Variants in KMT2C observed in about 807,000 individuals in gnomAD.
The protein encoded by KMT2C is lysine methyltransferase 2C.
Under a neutral mutation model 507.9 loss-of-function variants are expected in KMT2C, and 88 were observed. The ratio of observed to expected loss-of-function variants is 0.17; its 90% confidence interval spans 0.15 to 0.21. KMT2C has a LOEUF of 0.21. Among genes scored for constraint, KMT2C ranks in the 10% least tolerant of loss-of-function variants. The pLI is 1.00. For missense variants in KMT2C, 4,954 were observed against 5,957.8 expected, an observed-to-expected ratio of 0.83 and a Z score of 5.55; for synonymous variants, 2,049 against 2,080.8, an observed-to-expected ratio of 0.98 and a Z score of 0.42.
chr7:152,172,847 T>C (rs1299639507), intron 39 of KMT2C, among the ~76,000 whole-genome samples: 4 of 152,236 alleles, frequency 2.6e-5, no homozygotes, highest in Non-Finnish European at 5.9e-5. Context: ...AATAGATTAG[T>C]TATGTTCATC....
At chr7:152,165,666 G>A (rs2092693711) in intron 42 of KMT2C, among the ~76,000 whole-genome samples, 1 of 152,066 alleles carries the variant, frequency 6.6e-6, no homozygotes. Flanking sequence ...TGTACAGTGG[G>A]GGTATTTTTT....
intron 1 of KMT2C, among the ~76,000 whole-genome samples, chr7:152,396,105 T>C (rs2097536681): frequency 6.6e-6 from 1 of 152,150 alleles, no homozygotes; most frequent in East Asian, 1.9e-4. Context: ...GATTTGAACA[T>C]AGGCAGTTCT....
At chr7:152,147,717 AAAAAAAAAAAAG>A (rs1181414476) in intron 52 of KMT2C, among the ~76,000 whole-genome samples, 3 of 148,358 alleles carry the variant, frequency 2.0e-5, no homozygotes, top group African/African-American at 7.6e-5. Context: ...CAAAAAAAAA[AAAAAAAAAAAAG>A]AAAAAGAAAA....
intron 9 of KMT2C, among the ~76,000 whole-genome samples, chr7:152,256,649 T>C (rs1384807317): frequency 1.2e-4 from 18 of 152,132 alleles, no homozygotes; most frequent in Admixed American, 5.2e-4. Context: ...CCCTAACTTA[T>C]AAAGAACTCT....
In KMT2C at chr7:152,144,095, G is replaced by C. The variant is rs944824154; in HGVS notation, c.14343+618C>G. Among the ~76,000 whole-genome samples the C allele has an allele frequency of 3.3e-5, 5 of 152,196 alleles. No homozygotes were observed. The highest frequency in any genetic ancestry group is 5.9e-5 in the Non-Finnish European group (4 of 68,044). On this transcript the variant is annotated intron_variant, in intron 55 of 58. Coordinates refer to ENST00000262189, the MANE Select transcript of KMT2C (RefSeq NM_170606.3). This position sits in a 1 kb window ranked among gnomAD's most constrained non-coding sequence, Gnocchi z 4.4. ...CACTCAGCAAGGAGCTTGTAGGATG[G>C]CGGGGTTTAGGAGCTGGACAAGTTT...
chr7:152,239,079 TA>T, intron 14 of KMT2C: 1 of 326,930 alleles, frequency 3.1e-6, no homozygotes. Flanking sequence ...AATGAAACAT[TA>T]AAAATTAAGG....
intron 9 of KMT2C, among the ~76,000 whole-genome samples, chr7:152,253,917 TC>T (rs1563600162): frequency 1.3e-5 from 2 of 152,136 alleles, no homozygotes; most frequent in Non-Finnish European, 2.9e-5. Flanking sequence ...ACCCTGGGTA[TC>T]CCTGGGTGTA....
Position 152,167,309 on chromosome 7 carries a change from T to C in KMT2C, c.9587A>G (p.Lys3196Arg), listed in dbSNP as rs1168296947. 1.2e-6 allele frequency: 2 copies of C among 1,614,064 alleles called. No homozygotes were observed. Among genetic ancestry groups the C allele is most frequent in the East Asian group, 4.5e-5 (2 of 44,884 alleles). Residue 3196 changes from lysine to arginine, a missense_variant, in exon 42 of 59, where the codon AAG becomes AGG. Lys to Arg is a conservative substitution (Grantham distance 26). This residue lies in a region of KMT2C where 71 missense variants were observed against 139.2 expected (regional missense o/e 0.51). Coordinates refer to ENST00000262189, the MANE Select transcript of KMT2C (RefSeq NM_170606.3). Reference sequence around the variant, plus strand: ...AGCACCAATTTGTTCTTCAAGATACTTCTGCTGCATTTGAAGCAGCTGTTG... The same window carrying C: ...AGCACCAATTTGTTCTTCAAGATACCTCTGCTGCATTTGAAGCAGCTGTTG... ...ETQQLLQMQQ[K>R]YLEEQIGAHR...
chr7:152,333,866 A>C (rs1159564128), intron 2 of KMT2C, among the ~76,000 whole-genome samples: 2 of 152,234 alleles, frequency 1.3e-5, no homozygotes, highest in African/African-American at 4.8e-5. Context: ...GAAATAGAAA[A>C]GCTGACCTTA....
chr7:152,304,459 GTTT>G (rs1035067384), intron 6 of KMT2C, among the ~76,000 whole-genome samples: 3 of 152,170 alleles, frequency 2.0e-5, no homozygotes, highest in Admixed American at 2.0e-4. Flanking sequence ...AAACATGAGA[GTTT>G]TTTGTTTTGT....
intron 47 of KMT2C, 54 bp downstream of exon 47, chr7:152,154,213 T>C: frequency 6.2e-7 from 1 of 1,603,622 alleles, no homozygotes; most frequent in South Asian, 1.1e-5. Flanking sequence ...AATATTTACA[T>C]TAGTAAATTG....
intron 3 of KMT2C, among the ~76,000 whole-genome samples, chr7:152,321,363 TATAAA>T (rs1389381748): frequency 1.3e-5 from 2 of 148,526 alleles, no homozygotes; most frequent in Non-Finnish European, 3.0e-5. Context: ...ATAAAATTGA[TATAAA>T]ATATAAAATA....
chr7:152,307,004 T>C (rs2096620483), intron 6 of KMT2C, among the ~76,000 whole-genome samples: 1 of 151,944 alleles, frequency 6.6e-6, no homozygotes, highest in Admixed American at 6.6e-5. Context: ...ACAAAAAATT[T>C]AAAAACTAGT....
intron 2 of KMT2C, among the ~76,000 whole-genome samples, chr7:152,354,323 G>A (rs1462499404): frequency 6.6e-6 from 1 of 152,142 alleles, no homozygotes; most frequent in African/African-American, 2.4e-5. Context: ...ATGGTAGGTA[G>A]CTTAGAAAAC....
rs746034306 is a variant in KMT2C at position 152,163,385 on chromosome 7, G to A, written c.10192C>T (p.Arg3398Trp). ...TCTCGTAAACGTTCCTTACGTTCCCGTTCTTGAAAACTTTCACTAAAGGGA... is the reference window on the plus strand; with the variant it reads ...TCTCGTAAACGTTCCTTACGTTCCCATTCTTGAAAACTTTCACTAAAGGGA... ...NNPFSESFQERERKERLREQQ... is the reference protein window; with the variant it reads ...NNPFSESFQEWERKERLREQQ... Residue 3398 changes from arginine to tryptophan, a missense_variant, in exon 43 of 59, where the codon CGG (arginine) becomes TGG (tryptophan). Around this residue, in one of 29 missense-constraint regions of KMT2C, gnomAD observed 801 missense variants for 751.2 expected, o/e 1.07. Coordinates refer to ENST00000262189, the MANE Select transcript of KMT2C (RefSeq NM_170606.3). 7.4e-6 allele frequency: 12 copies of A among 1,613,972 alleles called. No individual in the cohort carries two copies. Among genetic ancestry groups the A allele is most frequent in the Non-Finnish European group, 6.8e-6 (8 of 1,180,016 alleles).
chr7:152,426,461 G>A (rs1411479147), intron 1 of KMT2C, among the ~76,000 whole-genome samples: 4 of 151,786 alleles, frequency 2.6e-5, no homozygotes, highest in Admixed American at 2.0e-4. Context: ...GGTCTCTAAC[G>A]CCTAGACTTA....
intron 14 of KMT2C, among the ~76,000 whole-genome samples, chr7:152,245,027 C>T (rs1476252722): frequency 1.3e-5 from 2 of 152,164 alleles, no homozygotes; most frequent in East Asian, 3.8e-4. Context: ...TGTGTCCTAA[C>T]ATCTCACCTT....
intron 39 of KMT2C, among the ~76,000 whole-genome samples, chr7:152,172,741 T>C (rs142871758): frequency 6.6e-6 from 1 of 152,254 alleles, no homozygotes; most frequent in African/African-American, 2.4e-5. Flanking sequence ...ATTTCCTTGT[T>C]TTGAATATAC....
At chr7:152,399,936 A>G (rs941693430) in intron 1 of KMT2C, among the ~76,000 whole-genome samples, 5 of 152,072 alleles carry the variant, frequency 3.3e-5, no homozygotes, top group Non-Finnish European at 7.4e-5. Context: ...CAAACAAACA[A>G]ACAGACAAAA....
Sources: allele counts gnomAD v4.1 joint callset (sites outside exome capture counted in the v4.1 genomes callset), GRCh38; gene constraint gnomAD v4.1.1; regional missense constraint gnomAD v4.1.1; non-coding constraint Gnocchi (gnomAD v3.1); transcripts MANE v1.5; gene names NCBI Gene and HGNC (gene_info 2026-07-23, HGNC 2026-07-21).